The following ZDHHC20 variants were observed in gnomAD, a reference collection of about 807,000 sequenced individuals.
ZDHHC20 encodes zDHHC palmitoyltransferase 20, also known as palmitoyltransferase ZDHHC20.
A neutral mutation model predicts 57.8 loss-of-function variants in ZDHHC20; 43 were observed. That is an observed-to-expected ratio of 0.74 (90% CI 0.58 to 0.96). ZDHHC20 has a LOEUF of 0.96. Ranked by LOEUF, ZDHHC20 falls within the 40% of genes least tolerant of loss-of-function variation. The pLI, the probability that ZDHHC20 is intolerant of heterozygous loss-of-function variation, is 0.00. For synonymous variants in ZDHHC20, 157 were observed against 153.0 expected, an observed-to-expected ratio of 1.03 and a Z score of -0.19; for missense variants, 391 against 441.1, an observed-to-expected ratio of 0.89 and a Z score of 1.02.
intron 9 of ZDHHC20, among the ~76,000 whole-genome samples, chr13:21,384,334 G>A (rs1680842799): frequency 6.6e-6 from 1 of 151,858 alleles, no homozygotes; most frequent in South Asian, 2.1e-4. Context: ...TAGCTACTAG[G>A]GAGGCTGAGG....
chr13:21,451,420 A>C (rs1037361275), intron 1 of ZDHHC20, among the ~76,000 whole-genome samples: 1 of 152,216 alleles, frequency 6.6e-6, no homozygotes, highest in Non-Finnish European at 1.5e-5. Flanking sequence ...AAGAACAAAC[A>C]GGACCCAATT....
intron 2 of ZDHHC20, among the ~76,000 whole-genome samples, chr13:21,423,642 C>G (rs1880906704): frequency 6.6e-6 from 1 of 151,178 alleles, no homozygotes; most frequent in Non-Finnish European, 1.5e-5. Context: ...CCACTGCACT[C>G]TAGCCTGAGC....
At chr13:21,414,976 TG>T (rs1210243118) in intron 3 of ZDHHC20, among the ~76,000 whole-genome samples, 3 of 152,194 alleles carry the variant, frequency 2.0e-5, no homozygotes, top group African/African-American at 7.2e-5. Flanking sequence ...TTTATTTACT[TG>T]TAAGGTTCTG....
chr13:21,397,079 G>A (rs1209344641), intron 7 of ZDHHC20, among the ~76,000 whole-genome samples: 1 of 152,054 alleles, frequency 6.6e-6, no homozygotes, highest in East Asian at 1.9e-4. Context: ...CTTTTATGGT[G>A]ATTGCTATGT....
intron 1 of ZDHHC20, among the ~76,000 whole-genome samples, chr13:21,454,099 G>A (rs1041965188): frequency 9.9e-5 from 15 of 152,148 alleles, no homozygotes; most frequent in African/African-American, 3.4e-4. Flanking sequence ...GCCGAGGTGG[G>A]TGGATCGCTT....
At chr13:21,401,559 G>T in intron 6 of ZDHHC20, 94 bp downstream of exon 6, 1 of 1,054,350 alleles carries the variant, frequency 9.5e-7, no homozygotes, top group South Asian at 1.6e-5. Flanking sequence ...TAATATCTAT[G>T]AGTAAACTGG....
intron 3 of ZDHHC20, among the ~76,000 whole-genome samples, chr13:21,416,415 A>C (rs1317802198): frequency 6.6e-6 from 1 of 152,184 alleles, no homozygotes; most frequent in African/African-American, 2.4e-5. Context: ...ATTGTCTTAA[A>C]TTCAGTGTTC....
At chr13:21,421,679 G>C (rs529227670) in intron 2 of ZDHHC20, among the ~76,000 whole-genome samples, 1 of 152,214 alleles carries the variant, frequency 6.6e-6, no homozygotes, top group East Asian at 1.9e-4. Flanking sequence ...ACAAGAAAAA[G>C]TTTTGGCCAT....
Position 21,391,712 on chromosome 13 carries a change from A to G in ZDHHC20, c.727+10T>C, listed in dbSNP as rs1298515472. 1.3e-6 allele frequency: 2 copies of G among 1,592,234 alleles called. No individual in the cohort carries two copies. Among genetic ancestry groups the G allele is most frequent in the East Asian group, 4.5e-5 (2 of 44,790 alleles). ...TCCTAAGTAATTATAATTTATTTTA[A>G]CCTACTTACCTATTGTTGTTCTATT... On this transcript the variant is annotated intron_variant, in intron 8 of 12. Transcript: ENST00000400590.
At chr13:21,426,860 A>G (rs1315391610) in intron 1 of ZDHHC20, among the ~76,000 whole-genome samples, 1 of 152,136 alleles carries the variant, frequency 6.6e-6, no homozygotes, top group Admixed American at 6.5e-5. Context: ...CGCCCACCTC[A>G]GCCTCCCAAA....
intron 3 of ZDHHC20, among the ~76,000 whole-genome samples, chr13:21,418,148 C>A (rs1880229223): frequency 6.6e-6 from 1 of 152,118 alleles, no homozygotes; most frequent in Admixed American, 6.6e-5. Flanking sequence ...TATCCCTGCC[C>A]TCACAATATT....
intron 4 of ZDHHC20, among the ~76,000 whole-genome samples, chr13:21,410,167 G>T (rs1879014512): frequency 6.6e-6 from 1 of 152,138 alleles, no homozygotes; most frequent in African/African-American, 2.4e-5. Flanking sequence ...CCTGGAGTTT[G>T]CTGGAAGTCC....
chr13:21,378,357 C>G (rs750892226), intron 12 of ZDHHC20, among the ~76,000 whole-genome samples: 1 of 152,098 alleles, frequency 6.6e-6, no homozygotes, highest in Non-Finnish European at 1.5e-5. Context: ...ACCTTGCCTG[C>G]CCACCTTTTT....
chr13:21,441,693 C>T (rs9509710), intron 1 of ZDHHC20, among the ~76,000 whole-genome samples: 4 of 151,638 alleles, frequency 2.6e-5, no homozygotes, highest in Admixed American at 2.0e-4. Flanking sequence ...TGAGCCACCA[C>T]GCCCAGCCCT....
chr13:21,382,586 T>C (rs2137655008), intron 10 of ZDHHC20, among the ~76,000 whole-genome samples: 1 of 152,334 alleles, frequency 6.6e-6, no homozygotes, highest in Middle Eastern at 3.4e-3. Flanking sequence ...AAAACATAAC[T>C]GACATAAACC....
chr13:21,432,352 C>CAA (rs1358559263), intron 1 of ZDHHC20, among the ~76,000 whole-genome samples: 2 of 145,640 alleles, frequency 1.4e-5, no homozygotes, highest in Non-Finnish European at 3.0e-5. Context: ...TTTTTTGAGA[C>CAA]AGAGTCTCGC....
chr13:21,433,411 A>T (rs1882207418), intron 1 of ZDHHC20, among the ~76,000 whole-genome samples: 1 of 152,106 alleles, frequency 6.6e-6, no homozygotes, highest in South Asian at 2.1e-4. Context: ...AGGTCAGGAG[A>T]TCGAGACCAT....
At chr13:21,452,139 G>A (rs1027353931) in intron 1 of ZDHHC20, among the ~76,000 whole-genome samples, 1 of 152,008 alleles carries the variant, frequency 6.6e-6, no homozygotes, top group African/African-American at 2.4e-5. Context: ...CCAGTTATAT[G>A]GGATGTTCAG....
intron 1 of ZDHHC20, among the ~76,000 whole-genome samples, chr13:21,426,019 A>G (rs1430569557): frequency 6.6e-6 from 1 of 152,182 alleles, no homozygotes; most frequent in East Asian, 1.9e-4. Flanking sequence ...TGACCCCCAT[A>G]ACTTATTTGT....
Sources: allele counts gnomAD v4.1 joint callset (sites outside exome capture counted in the v4.1 genomes callset), GRCh38; gene constraint gnomAD v4.1.1; transcripts MANE v1.5; gene names NCBI Gene and HGNC (gene_info 2026-07-23, HGNC 2026-07-21).